PHACTR4: variants seen among roughly 807,000 people sequenced by gnomAD.
PHACTR4 encodes protein phosphatase 1, regulatory subunit 124.
Under a neutral mutation model 72.7 loss-of-function variants are expected in PHACTR4, and 51 were observed. That is an observed-to-expected ratio of 0.70 (90% CI 0.56 to 0.89). The LOEUF is 0.89. Among genes scored for constraint, PHACTR4 ranks in the 40% least tolerant of loss-of-function variants. PHACTR4 has a pLI of 0.00. For synonymous variants in PHACTR4, 255 were observed against 302.5 expected, an observed-to-expected ratio of 0.84 and a Z score of 1.63; for missense variants, 731 against 861.8, an observed-to-expected ratio of 0.85 and a Z score of 1.90.
At chr1:28,495,225 C>T (rs1255228796) in intron 13 of PHACTR4, among the ~76,000 whole-genome samples, 1 of 152,144 alleles carries the variant, frequency 6.6e-6, no homozygotes, top group Non-Finnish European at 1.5e-5. Flanking sequence ...CCTTGGGCTA[C>T]AGCAGGAAAT....
At chr1:28,370,282 C>CG (rs879754088) in intron 1 of PHACTR4, among the ~76,000 whole-genome samples, 1 of 152,144 alleles carries the variant, frequency 6.6e-6, no homozygotes, top group Non-Finnish European at 1.5e-5. Flanking sequence ...CTGGGCAGAA[C>CG]GGGGGCTTCG....
At chr1:28,489,265 T>C in intron 10 of PHACTR4, 40 bp downstream of exon 10, 2 of 1,553,334 alleles carry the variant, frequency 1.3e-6, no homozygotes, top group South Asian at 2.3e-5. Flanking sequence ...TAGATTTTCT[T>C]TGTATGTTTC....
chr1:28,400,629 G>A (rs1357499988), intron 1 of PHACTR4, among the ~76,000 whole-genome samples: 2 of 151,906 alleles, frequency 1.3e-5, no homozygotes, highest in Non-Finnish European at 1.5e-5. Flanking sequence ...ACCCAGGCTG[G>A]AGTGCAGTGG....
chr1:28,382,307 ATT>A (rs963720991), intron 1 of PHACTR4, among the ~76,000 whole-genome samples: 1 of 144,164 alleles, frequency 6.9e-6, no homozygotes. Flanking sequence ...CTGTCATGAA[ATT>A]TTTTTTTTTT....
At chr1:28,475,267 C>T (rs1430765430) in intron 7 of PHACTR4, among the ~76,000 whole-genome samples, 2 of 151,768 alleles carry the variant, frequency 1.3e-5, no homozygotes, top group Non-Finnish European at 2.9e-5. Context: ...TGATTTTTTA[C>T]TCTTGTGATT....
At chr1:28,467,512 C>T (rs1433010419) in intron 6 of PHACTR4, among the ~76,000 whole-genome samples, 1 of 151,918 alleles carries the variant, frequency 6.6e-6, no homozygotes, top group African/African-American at 2.4e-5. Flanking sequence ...CCTCAGCTCA[C>T]AAGGGGCAAG....
Position 28,473,921 on chromosome 1 carries a change from G to A in PHACTR4, c.1191G>A (p.Arg397=), listed in dbSNP as rs776444097. 3.2e-4 allele frequency: 524 copies of A among 1,613,988 alleles called. 1 individual carries two copies. The highest frequency in any genetic ancestry group is 4.2e-4 in the Non-Finnish European group (500 of 1,180,024). Reference sequence around the variant, plus strand: ...ATCAGAAAAAGGAAGTCCCCAAGAGGATACTGGACCAGAACTTTGGGGAGC... The same window carrying A: ...ATCAGAAAAAGGAAGTCCCCAAGAGAATACTGGACCAGAACTTTGGGGAGC... The part of the protein sequence containing the change: ...QEDQKKEVPK[R]ILDQNFGEPH... The change falls in exon 7 of 14, where the codon AGG becomes AGA. Residue 397 remains arginine (R), a synonymous_variant. Coordinates refer to ENST00000373839, the MANE Select transcript of PHACTR4 (RefSeq NM_001048183.3).
At chr1:28,426,576 A>G (rs1363932229) in intron 2 of PHACTR4, among the ~76,000 whole-genome samples, 2 of 152,102 alleles carry the variant, frequency 1.3e-5, no homozygotes, top group African/African-American at 4.8e-5. Context: ...AGGCAGGAGA[A>G]TGGCGTGAAC....
chr1:28,472,655 G>A (rs1158513455), intron 6 of PHACTR4, among the ~76,000 whole-genome samples: 1 of 151,132 alleles, frequency 6.6e-6, no homozygotes, highest in African/African-American at 2.4e-5. Context: ...AGCCTGGAGT[G>A]CAGTGGCATG....
intron 4 of PHACTR4, 41 bp downstream of exon 4, chr1:28,460,333 C>T (rs770004629): frequency 2.1e-6 from 3 of 1,408,476 alleles, no homozygotes; most frequent in South Asian, 1.2e-5. Flanking sequence ...TCTCTGTGCA[C>T]TTGGTCTTTG....
chr1:28,430,172 G>A (rs889610006), intron 2 of PHACTR4, among the ~76,000 whole-genome samples: 3 of 151,922 alleles, frequency 2.0e-5, no homozygotes, highest in Admixed American at 6.6e-5. Flanking sequence ...ACAGGCACCC[G>A]CCACCACACC....
intron 2 of PHACTR4, among the ~76,000 whole-genome samples, chr1:28,407,793 A>G (rs1654464981): frequency 6.6e-6 from 1 of 152,236 alleles, no homozygotes; most frequent in South Asian, 2.1e-4. Context: ...AAAATCAAGA[A>G]CCATTTGACA....
chr1:28,379,008 A>G (rs1030094620), intron 1 of PHACTR4, among the ~76,000 whole-genome samples: 2 of 152,146 alleles, frequency 1.3e-5, no homozygotes, highest in East Asian at 1.9e-4. Flanking sequence ...GCTGGAGTAC[A>G]GTGGCACAGT....
intron 13 of PHACTR4, among the ~76,000 whole-genome samples, chr1:28,495,315 C>A (rs1661278185): frequency 6.6e-6 from 1 of 151,838 alleles, no homozygotes; most frequent in Admixed American, 6.6e-5. Flanking sequence ...ACTATGTTTC[C>A]CAGGCTGGTC....
At chr1:28,399,297 G>A (rs1176893062) in intron 1 of PHACTR4, among the ~76,000 whole-genome samples, 1 of 152,152 alleles carries the variant, frequency 6.6e-6, no homozygotes. Context: ...GGGCGACAGA[G>A]CAAGACTCTG....
chr1:28,473,646 C>T lies in PHACTR4; in HGVS notation c.916C>T (p.Pro306Ser). 6.2e-7 allele frequency: 1 copy of T among 1,614,026 alleles called. No individual in the cohort carries two copies. Among genetic ancestry groups the T allele is most frequent in the Non-Finnish European group, 8.5e-7 (1 of 1,179,962 alleles). ...GAGAGGCATTCCATCAACCTCAGTACCCACCTTGGAGTCTGCTGCTGCCAT... is the reference window on the plus strand; with the variant it reads ...GAGAGGCATTCCATCAACCTCAGTATCCACCTTGGAGTCTGCTGCTGCCAT... ...PKRGIPSTSV[P>S]TLESAAAITT... The change falls in exon 7 of 14, where the codon CCC (proline) becomes TCC (serine). Residue 306 changes from proline to serine, a missense_variant. Physicochemically the swap from Pro to Ser is moderately conservative, Grantham distance 74 (BLOSUM62 -1). Transcript: ENST00000373839.
chr1:28,377,971 G>A (rs1651814989), intron 1 of PHACTR4, among the ~76,000 whole-genome samples: 1 of 151,938 alleles, frequency 6.6e-6, no homozygotes, highest in South Asian at 2.1e-4. Flanking sequence ...GCTGAGGCGG[G>A]CGGATCACGA....
At chr1:28,474,606 G>C (rs1306097528) in intron 7 of PHACTR4, among the ~76,000 whole-genome samples, 1 of 150,462 alleles carries the variant, frequency 6.6e-6, no homozygotes, top group Non-Finnish European at 1.5e-5. Context: ...GCAGTGGCAC[G>C]ATCTCCGCTC....
intron 2 of PHACTR4, among the ~76,000 whole-genome samples, chr1:28,432,203 T>G (rs1656313610): frequency 6.6e-6 from 1 of 151,812 alleles, no homozygotes; most frequent in Non-Finnish European, 1.5e-5. Flanking sequence ...AGCGAGACTC[T>G]GTATCAAAAA....
Sources: allele counts gnomAD v4.1 joint callset (sites outside exome capture counted in the v4.1 genomes callset), GRCh38; gene constraint gnomAD v4.1.1; transcripts MANE v1.5; gene names NCBI Gene and HGNC (gene_info 2026-07-23, HGNC 2026-07-21).